SLC1A5: variants seen among roughly 807,000 people sequenced by gnomAD.
SLC1A5 encodes the protein neutral amino acid transporter B(0).
SLC1A5 carries 25 observed loss-of-function variants against 34.9 expected under a neutral mutation model. The ratio of observed to expected loss-of-function variants is 0.72; its 90% CI spans 0.52 to 1.00. The LOEUF is 1.00. SLC1A5 is among the 50% of genes least tolerant of loss of function. The pLI is 0.00. For synonymous variants in SLC1A5, 351 were observed against 341.2 expected, an observed-to-expected ratio of 1.03 and a Z score of -0.32; for missense variants, 637 against 740.0, an observed-to-expected ratio of 0.86 and a Z score of 1.61.
At chr19:46,781,401 C>T (rs1402868350) in intron 4 of SLC1A5, among the ~76,000 whole-genome samples, 1 of 152,138 alleles carries the variant, frequency 6.6e-6, no homozygotes, top group Non-Finnish European at 1.5e-5. Flanking sequence ...GAGTTTGAGA[C>T]CAGCCTGACC....
intron 5 of SLC1A5, among the ~76,000 whole-genome samples, chr19:46,778,290 A>G (rs748843435): frequency 9.9e-5 from 15 of 152,134 alleles, no homozygotes; most frequent in Admixed American, 1.3e-4. Flanking sequence ...TTAGCTGGGT[A>G]TGGTGGGGGA....
In SLC1A5 at chr19:46,787,297, G is replaced by T. The variant is rs1029859583; in HGVS notation, c.566+103C>A. Reference sequence around the variant, plus strand: ...TGTCGAGTTTTCCTAAGACTCTAGAGGGAAGTCTCTGCTCCAGGGGCCCCA... The same window carrying T: ...TGTCGAGTTTTCCTAAGACTCTAGATGGAAGTCTCTGCTCCAGGGGCCCCA... On this transcript the variant is annotated intron_variant, in intron 1 of 7. Transcript: ENST00000542575. The surrounding 1 kb of genome is among the most constrained non-coding windows in gnomAD (Gnocchi z 5.2). 15 of 1,506,416 alleles carry T rather than the reference G, an allele frequency of 1.0e-5. No individual in the cohort carries two copies. Among genetic ancestry groups the T allele is most frequent in the Middle Eastern group, 2.2e-4 (1 of 4,650 alleles). 93.3% of individuals were successfully genotyped at this position (1,506,416 alleles called of 1,614,324 possible).
intron 3 of SLC1A5, 118 bp from the exon 4 acceptor site, chr19:46,782,667 T>C: frequency 2.6e-6 from 3 of 1,158,284 alleles, no homozygotes; most frequent in Non-Finnish European, 3.7e-6. Context: ...TCAGACCCCT[T>C]CCTCCCAAGG....
At chr19:46,775,893 T>A in intron 7 of SLC1A5, 146 bp from the exon 8 acceptor site, 1 of 709,204 alleles carries the variant, frequency 1.4e-6, no homozygotes, top group Non-Finnish European at 2.1e-6. Flanking sequence ...GGCAACATAG[T>A]GAGATCCCAT....
At chr19:46,782,346 A>AACCCACCCCCCCCC in intron 4 of SLC1A5, 37 bp downstream of exon 4, 1 of 567,986 alleles carries the variant, frequency 1.8e-6, no homozygotes, top group Non-Finnish European at 3.2e-6. Flanking sequence ...CGACCCTCCA[A>AACCCACCCCCCCCC]CCCCACCCAC....
chr19:46,775,770 A>G (rs1160333136), intron 7 of SLC1A5, 23 bp from the exon 8 acceptor site: 1 of 1,606,370 alleles, frequency 6.2e-7, no homozygotes, highest in Non-Finnish European at 8.5e-7. Context: ...AAATGACAGC[A>G]AAGTAAGCGG....
At chr19:46,780,494 T>C (rs957945214) in intron 4 of SLC1A5, among the ~76,000 whole-genome samples, 1 of 151,890 alleles carries the variant, frequency 6.6e-6, no homozygotes, top group African/African-American at 2.4e-5. Context: ...GTAGCTAGGA[T>C]TAAAGGTGTA....
At chr19:46,782,360 C>CCCCACCAAA in intron 4 of SLC1A5, 23 bp downstream of exon 4, 1 of 1,332,702 alleles carries the variant, frequency 7.5e-7, no homozygotes, top group Non-Finnish European at 1.1e-6. Context: ...CACCCACCCC[C>CCCCACCAAA]AGCCTCCTCT....
intron 4 of SLC1A5, among the ~76,000 whole-genome samples, chr19:46,780,009 C>T (rs1050734200): frequency 1.3e-5 from 2 of 152,050 alleles, no homozygotes; most frequent in Admixed American, 6.5e-5. Context: ...CGTGCTACCA[C>T]GCCCAGCTAA....
At chr19:46,786,434 G>T (rs942479153) in intron 1 of SLC1A5, among the ~76,000 whole-genome samples, 3 of 152,150 alleles carry the variant, frequency 2.0e-5, no homozygotes, top group Non-Finnish European at 1.5e-5. Context: ...CCAGGCCCAG[G>T]CTGGGCCAGG....
chr19:46,775,052 AACACAC>A lies in SLC1A5; in HGVS notation c.*452_*457del, dbSNP rs55753437. ...GTACCATGGGGACAGGAGGTCACAG[AACACAC>A]ACACACACACACACACACACACACA... On this transcript the variant is annotated 3_prime_UTR_variant, in exon 8 of 8. Coordinates refer to ENST00000542575, the MANE Select transcript of SLC1A5 (RefSeq NM_005628.3). 176,358 of 952,552 alleles carry A rather than the reference AACACAC, an allele frequency of 0.19. 3,136 individuals are homozygous for A. The highest frequency in any genetic ancestry group is 0.4 in the East Asian group (3,380 of 8,506). The allele number at this position is 952,552 out of a possible 1,614,324, so 59.0% of individuals were successfully genotyped here.
chr19:46,785,005 A>C, intron 1 of SLC1A5: 1 of 406,778 alleles, frequency 2.5e-6, no homozygotes, highest in African/African-American at 2.1e-5. Flanking sequence ...GAGAAAAGGG[A>C]CGGCTTCATA....
At position 46,783,890 on chromosome 19, in the gene SLC1A5, G is replaced by GAGGGAGAA. The variant is rs2055166681; in HGVS notation, c.657+199_657+206dup. Reference sequence around the variant, plus strand: ...GCAGCATGGAATGGGGTTGGGGGGTGAGGGAGAAAGGAAGAGCCTGGGCAC... The same window carrying GAGGGAGAA: ...GCAGCATGGAATGGGGTTGGGGGGTGAGGGAGAAAGGGAGAAAGGAAGAGCCTGGGCAC... On this transcript the variant is annotated intron_variant, in intron 3 of 7. Transcript: ENST00000542575. Among the ~76,000 whole-genome samples the GAGGGAGAA allele has an allele frequency of 5.9e-5, 9 of 152,006 alleles. No individual in the cohort carries two copies. In the South Asian group the frequency reaches 1.5e-3, roughly 25 times the overall value.
Position 46,787,874 on chromosome 19 carries a change from T to C in SLC1A5, c.92A>G (p.Gln31Arg). The C allele has an allele frequency of 6.4e-7, 1 of 1,562,904 alleles. No individual in the cohort carries two copies. Among genetic ancestry groups the C allele is most frequent in the Non-Finnish European group, 8.7e-7 (1 of 1,154,714 alleles). ...GCAGTAGCCGCCTGCTGCCGCGCCT[T>C]GGTCCTCGATGGAGGCCAGCGCCAG... is the stretch of plus-strand genomic sequence containing the variant. ...GGLALASIED[Q>R]GAAAGGYCGS... is the part of the protein sequence containing the mutation. Residue 31 changes from glutamine (Q) to arginine (R), a missense_variant, in exon 1 of 8, where the codon CAA becomes CGA. Coordinates refer to ENST00000542575, the MANE Select transcript of SLC1A5 (RefSeq NM_005628.3). The surrounding 1 kb of genome is among the most constrained non-coding windows in gnomAD (Gnocchi z 5.2).
At position 46,775,242 on chromosome 19, in the gene SLC1A5, C is replaced by T; in HGVS notation, c.*268G>A. 1 of 1,175,132 alleles carries T rather than the reference C, an allele frequency of 8.5e-7. No homozygotes were observed. Among genetic ancestry groups the T allele is most frequent in the Non-Finnish European group, 1.1e-6 (1 of 947,192 alleles). 72.8% of individuals were successfully genotyped at this position (1,175,132 alleles called of 1,614,324 possible). ...CAGGCAGGTCACGGTGGGGACGCAG[C>T]AGAACATTATTTCTCCATCTTGCTG... is the stretch of plus-strand genomic sequence containing the variant. On this transcript the variant is annotated 3_prime_UTR_variant, in exon 8 of 8. Transcript: ENST00000542575.
chr19:46,787,565 A>C lies in SLC1A5; in HGVS notation c.401T>G (p.Phe134Cys). 7 of 1,569,592 alleles carry C rather than the reference A, an allele frequency of 4.5e-6. No individual in the cohort carries two copies. The highest frequency in any genetic ancestry group is 6.0e-6 in the Non-Finnish European group (7 of 1,159,270). The change falls in exon 1 of 8, where the codon TTT (phenylalanine) becomes TGT (cysteine). Residue 134 changes from phenylalanine (F) to cysteine (C), a missense_variant. Coordinates refer to ENST00000542575, the MANE Select transcript of SLC1A5 (RefSeq NM_005628.3). The surrounding 1 kb of genome is among the most constrained non-coding windows in gnomAD (Gnocchi z 5.2). The part of the protein sequence containing the change: ...LGRLGAWALL[F>C]FLVTTLLASA... Reference sequence around the variant, plus strand: ...CGCCAGCAGCGTGGTGACCAGGAAAAAGAGCAGCGCCCAGGCGCCCAGACG... The same window carrying C: ...CGCCAGCAGCGTGGTGACCAGGAAACAGAGCAGCGCCCAGGCGCCCAGACG...
In SLC1A5 at chr19:46,788,229, G is replaced by T. The variant is rs1433674992; in HGVS notation, c.-264C>A. On this transcript the variant is annotated 5_prime_UTR_variant, in exon 1 of 8. Coordinates refer to ENST00000542575, the MANE Select transcript of SLC1A5 (RefSeq NM_005628.3). Reference sequence around the variant, plus strand: ...TGTCCGAAAGCTGGGAGTTCGGAGCGCCCGGGTTCCTTGGCCCTAGGAGCT... The same window carrying T: ...TGTCCGAAAGCTGGGAGTTCGGAGCTCCCGGGTTCCTTGGCCCTAGGAGCT... 2 of 456,352 alleles carry T rather than the reference G, an allele frequency of 4.4e-6. No individual in the cohort carries two copies. The highest frequency in any genetic ancestry group is 4.2e-5 in the Admixed American group (1 of 24,042). The allele number at this position is 456,352 out of a possible 1,614,324, so 28.3% of individuals were successfully genotyped here.
intron 5 of SLC1A5, among the ~76,000 whole-genome samples, chr19:46,778,469 G>T (rs931971624): frequency 6.6e-6 from 1 of 152,166 alleles, no homozygotes; most frequent in Non-Finnish European, 1.5e-5. Context: ...GGGCCACGGG[G>T]AGGCAGTGTA....
intron 5 of SLC1A5, among the ~76,000 whole-genome samples, chr19:46,777,825 A>C: frequency 2.2e-5 from 3 of 135,418 alleles, no homozygotes; most frequent in African/African-American, 5.6e-5. Context: ...CCCTCCTACC[A>C]TGTCCTGACT....
Sources: gnomAD v4.1 joint callset for allele counts (sites outside exome capture counted in the v4.1 genomes callset) on GRCh38, gnomAD v4.1.1 for gene constraint, Gnocchi (gnomAD v3.1) non-coding constraint, MANE v1.5 for transcripts, NCBI Gene and HGNC (gene_info 2026-07-23, HGNC 2026-07-21) for gene names.